PALM2AKAP2: variants seen among roughly 807,000 people sequenced by gnomAD.
PALM2AKAP2 encodes the protein PALM2-AKAP2 fusion protein.
A neutral mutation model predicts 71.5 loss-of-function variants in PALM2AKAP2; 37 were observed. That is an observed-to-expected ratio of 0.52 (90% CI 0.40 to 0.68). The LOEUF is 0.68. Among genes scored for constraint, PALM2AKAP2 ranks in the 30% least tolerant of loss-of-function variants. The pLI, the probability that PALM2AKAP2 is intolerant of heterozygous loss-of-function variation, is 0.00. For synonymous variants in PALM2AKAP2, 468 were observed against 478.8 expected (o/e 0.98, Z 0.29); for missense variants, 1,224 against 1,191.8 (o/e 1.03, Z -0.40).
At chr9:110,001,458 G>T (rs574660566) in intron 6 of PALM2AKAP2, among the ~76,000 whole-genome samples, 9 of 152,278 alleles carry the variant, frequency 5.9e-5, no homozygotes, top group African/African-American at 1.7e-4. Context: ...GACGCCTCCA[G>T]CTTTGTTCTT....
chr9:110,153,041 T>C (rs1226614829), intron 2 of PALM2AKAP2, among the ~76,000 whole-genome samples: 1 of 152,188 alleles, frequency 6.6e-6, no homozygotes, highest in East Asian at 1.9e-4. Context: ...AGCCCCCTTG[T>C]TCCTGGAAGC....
At chr9:109,803,411 C>T (rs1032762350) in intron 1 of PALM2AKAP2, among the ~76,000 whole-genome samples, 8 of 152,126 alleles carry the variant, frequency 5.3e-5, no homozygotes, top group Admixed American at 3.9e-4. Flanking sequence ...AATAGCACAC[C>T]TTCTTGGTGA....
intron 1 of PALM2AKAP2, among the ~76,000 whole-genome samples, chr9:110,128,864 C>G (rs1835674197): frequency 6.6e-6 from 1 of 152,228 alleles, no homozygotes; most frequent in Admixed American, 6.5e-5. Flanking sequence ...ACATGCCTAG[C>G]TGTAGGCCTA....
intron 1 of PALM2AKAP2, among the ~76,000 whole-genome samples, chr9:109,742,105 A>G (rs927388384): frequency 6.6e-6 from 1 of 152,190 alleles, no homozygotes; most frequent in Non-Finnish European, 1.5e-5. Flanking sequence ...TGCTTGGCAA[A>G]CCATAATCAA....
chr9:109,840,017 T>C (rs1828608710), intron 1 of PALM2AKAP2, among the ~76,000 whole-genome samples: 1 of 152,176 alleles, frequency 6.6e-6, no homozygotes, highest in African/African-American at 2.4e-5. Context: ...AAAACTATTT[T>C]AAAGTTCATA....
chr9:109,812,486 T>C (rs1422574684), intron 1 of PALM2AKAP2, among the ~76,000 whole-genome samples: 5 of 152,000 alleles, frequency 3.3e-5, no homozygotes, highest in African/African-American at 1.2e-4. Flanking sequence ...TACTGACCCA[T>C]CCAGCGGCAC....
intron 6 of PALM2AKAP2, among the ~76,000 whole-genome samples, chr9:109,935,945 C>G (rs543390951): frequency 6.6e-6 from 1 of 152,310 alleles, no homozygotes; most frequent in South Asian, 2.1e-4. Context: ...AAAATAGAAG[C>G]AAAATCAGAC....
chr9:109,779,353 T>C (rs1487607887), upstream of PALM2AKAP2, among the ~76,000 whole-genome samples: 1 of 152,178 alleles, frequency 6.6e-6, no homozygotes, highest in Non-Finnish European at 1.5e-5. Context: ...AGGTGAAATA[T>C]TTTAGTGAGT....
intron 3 of PALM2AKAP2, among the ~76,000 whole-genome samples, chr9:110,159,204 A>G (rs1836536893): frequency 6.6e-6 from 1 of 152,196 alleles, no homozygotes; most frequent in Admixed American, 6.5e-5. Flanking sequence ...TAATTCTCTT[A>G]AAGGTAAAGT....
intron 6 of PALM2AKAP2, among the ~76,000 whole-genome samples, chr9:109,952,232 C>T (rs1831658434): frequency 6.6e-6 from 1 of 152,188 alleles, no homozygotes; most frequent in Non-Finnish European, 1.5e-5. Context: ...CCGATTTGGC[C>T]TATGGGCTTA....
intron 1 of PALM2AKAP2, among the ~76,000 whole-genome samples, chr9:109,755,745 C>A (rs541308923): frequency 3.6e-4 from 54 of 151,928 alleles, no homozygotes; most frequent in Non-Finnish European, 5.9e-4. Context: ...TTCCATAATG[C>A]CCTCATGACT....
At chr9:110,136,326 A>T (rs752282963) in exon 2 of PALM2AKAP2, 1 of 1,614,108 alleles carries the variant, frequency 6.2e-7, no homozygotes, top group Non-Finnish European at 8.5e-7. Flanking sequence ...TCCGCTTTCT[A>T]TTCACCCCCG....
intron 1 of PALM2AKAP2, among the ~76,000 whole-genome samples, chr9:109,813,197 C>T (rs1242150186): frequency 2.0e-5 from 3 of 152,178 alleles, no homozygotes; most frequent in East Asian, 3.9e-4. Flanking sequence ...ACCTAGATTA[C>T]CCCAGTTTTC....
intron 6 of PALM2AKAP2, among the ~76,000 whole-genome samples, chr9:110,001,409 T>TACTTCAA (rs1832678630): frequency 4.6e-5 from 7 of 152,234 alleles, no homozygotes; most frequent in Admixed American, 4.6e-4. Context: ...CTGTTTTGGT[T>TACTTCAA]ACTGTAACCT....
At chr9:109,850,944 G>T (rs1410648793) in intron 1 of PALM2AKAP2, among the ~76,000 whole-genome samples, 2 of 152,068 alleles carry the variant, frequency 1.3e-5, no homozygotes. Context: ...TTAGGAGGCC[G>T]AGGCGGGCGG....
At chr9:109,878,090 G>A (rs769793617) in intron 2 of PALM2AKAP2, among the ~76,000 whole-genome samples, 2 of 152,208 alleles carry the variant, frequency 1.3e-5, no homozygotes, top group Admixed American at 6.5e-5. Flanking sequence ...TGTAGAAAGA[G>A]CAACCGATTT....
chr9:109,708,066 C>T (rs1021910792), intron 1 of PALM2AKAP2, among the ~76,000 whole-genome samples: 3 of 152,202 alleles, frequency 2.0e-5, no homozygotes, highest in African/African-American at 7.2e-5. Context: ...CCTCTCCCTC[C>T]CTCCACTATC....
At chr9:109,835,367 G>A (rs1828440308) in intron 1 of PALM2AKAP2, among the ~76,000 whole-genome samples, 2 of 148,976 alleles carry the variant, frequency 1.3e-5, no homozygotes, top group Admixed American at 1.3e-4. Flanking sequence ...GGGATAGAGG[G>A]GAAGGTGGAG....
At chr9:109,691,913 TATATATATATACAC>T (rs1564115016) in intron 1 of PALM2AKAP2, among the ~76,000 whole-genome samples, 2 of 78,972 alleles carry the variant, frequency 2.5e-5, no homozygotes, top group African/African-American at 1.1e-4. Flanking sequence ...CACACACACA[TATATATATATACAC>T]ATATATATAT....
Sources: allele counts gnomAD v4.1 joint callset (sites outside exome capture counted in the v4.1 genomes callset), GRCh38; gene constraint gnomAD v4.1.1; transcripts MANE v1.5; gene names NCBI Gene and HGNC (gene_info 2026-07-23, HGNC 2026-07-21).